RGS9: variants seen among roughly 807,000 people sequenced by gnomAD.
RGS9 encodes the protein regulator of G protein signaling 9.
Under a neutral mutation model 102.0 loss-of-function variants are expected in RGS9, and 78 were observed. That is an observed-to-expected ratio of 0.76 (90% CI 0.64 to 0.92). RGS9 has a LOEUF of 0.92. RGS9 is among the 40% of genes least tolerant of loss of function. The pLI is 0.00. For synonymous variants in RGS9, 353 were observed against 318.6 expected (o/e 1.11, Z -1.15); for missense variants, 833 against 866.1 (o/e 0.96, Z 0.48).
At chr17:65,140,411 T>C (rs1276325916) in intron 1 of RGS9, among the ~76,000 whole-genome samples, 2 of 152,164 alleles carry the variant, frequency 1.3e-5, no homozygotes, top group South Asian at 2.1e-4. Context: ...GGCCATGTTC[T>C]GTAATGGATG....
intron 3 of RGS9, among the ~76,000 whole-genome samples, chr17:65,159,903 C>T (rs1288873144): frequency 6.6e-6 from 1 of 152,202 alleles, no homozygotes; most frequent in Non-Finnish European, 1.5e-5. Context: ...ACCCAAAGGG[C>T]CTATAGAGGC....
intron 16 of RGS9, among the ~76,000 whole-genome samples, chr17:65,209,247 A>G (rs1308307107): frequency 6.6e-6 from 1 of 152,200 alleles, no homozygotes; most frequent in Non-Finnish European, 1.5e-5. Flanking sequence ...GTATAAGACA[A>G]TGTATTCAAA....
chr17:65,204,404 T>G, intron 15 of RGS9, 103 bp downstream of exon 15: 2 of 1,399,790 alleles, frequency 1.4e-6, no homozygotes, highest in South Asian at 2.5e-5. Flanking sequence ...GATACGTGGA[T>G]AGAGCTTTGC....
chr17:65,215,693 TG>T (rs1913501877), intron 17 of RGS9, among the ~76,000 whole-genome samples: 1 of 119,700 alleles, frequency 8.4e-6, no homozygotes, highest in Non-Finnish European at 1.7e-5. Flanking sequence ...CCCCAGTAGC[TG>T]GGATTACAGG....
In RGS9 at chr17:65,203,385, C is replaced by G. The variant is rs199500541; in HGVS notation, c.1065-778C>G. 4.5e-4 allele frequency among the ~76,000 whole-genome samples: 68 copies of G among 152,264 alleles called. No individual in the cohort carries two copies. In the East Asian group the frequency reaches 0.012, roughly 26 times the overall value. On this transcript the variant is annotated intron_variant, in intron 14 of 18. Coordinates refer to ENST00000262406, the MANE Select transcript of RGS9 (RefSeq NM_003835.4). Reference sequence around the variant, plus strand: ...CTTACACACAGTGACGCACACACAACTCCTGATTCCAAAAATCTGCTACAG... The same window carrying G: ...CTTACACACAGTGACGCACACACAAGTCCTGATTCCAAAAATCTGCTACAG...
intron 13 of RGS9, among the ~76,000 whole-genome samples, chr17:65,198,956 A>C (rs1306977365): frequency 6.6e-6 from 1 of 152,206 alleles, no homozygotes; most frequent in African/African-American, 2.4e-5. Context: ...CTAGTGGCAA[A>C]GTGACAACAT....
Position 65,160,601 on chromosome 17 carries a change from C to A in RGS9, c.364+14C>A, listed in dbSNP as rs1267601432. 6.2e-7 allele frequency: 1 copy of A among 1,613,690 alleles called. No homozygotes were observed. Among genetic ancestry groups the A allele is most frequent in the Non-Finnish European group, 8.5e-7 (1 of 1,179,588 alleles). On this transcript the variant is annotated intron_variant, in intron 5 of 18. Transcript: ENST00000262406. Reference sequence around the variant, plus strand: ...ATACCGATTACGGTAAATACTTCAGCCCCAACTATGCCTTTGGTAGTGCTT... The same window carrying A: ...ATACCGATTACGGTAAATACTTCAGACCCAACTATGCCTTTGGTAGTGCTT...
At chr17:65,153,021 G>A (rs1910638352) in intron 1 of RGS9, among the ~76,000 whole-genome samples, 1 of 152,208 alleles carries the variant, frequency 6.6e-6, no homozygotes, top group African/African-American at 2.4e-5. Context: ...CATGTGGTCT[G>A]GCCTCCACTG....
At chr17:65,176,070 C>T (rs1911612560) in intron 8 of RGS9, among the ~76,000 whole-genome samples, 1 of 152,202 alleles carries the variant, frequency 6.6e-6, no homozygotes, top group African/African-American at 2.4e-5. Context: ...CTTCCCAACT[C>T]TCTGCTTCAG....
In RGS9 at chr17:65,163,483, C is replaced by T. The variant is rs930612067; in HGVS notation, c.500+394C>T. 2.6e-5 allele frequency among the ~76,000 whole-genome samples: 4 copies of T among 152,112 alleles called. No homozygotes were observed. The East Asian group carries it at 7.7e-4, about 29-fold the overall frequency. Reference sequence around the variant, plus strand: ...CTGGGATTACAGGCGTGAACCACTGCGCCTGGACTCTTTCCTTTTATTAAA... The same window carrying T: ...CTGGGATTACAGGCGTGAACCACTGTGCCTGGACTCTTTCCTTTTATTAAA... On this transcript the variant is annotated intron_variant, in intron 7 of 18. Transcript: ENST00000262406.
chr17:65,193,420 C>G (rs933175540), intron 11 of RGS9, 123 bp from the exon 12 acceptor site: 2 of 719,678 alleles, frequency 2.8e-6, no homozygotes, highest in Non-Finnish European at 5.1e-6. Flanking sequence ...TCTAGGAAAA[C>G]AGTAATAAGT....
chr17:65,177,112 TCC>T (rs1911666113), intron 8 of RGS9, among the ~76,000 whole-genome samples: 1 of 148,074 alleles, frequency 6.8e-6, no homozygotes, highest in East Asian at 2.1e-4. Context: ...CCTCCATTCA[TCC>T]ATCTCACTAT....
chr17:65,218,684 C>T (rs575142210), intron 17 of RGS9, among the ~76,000 whole-genome samples: 22 of 152,338 alleles, frequency 1.4e-4, no homozygotes, highest in South Asian at 1.2e-3. Flanking sequence ...CCTCTTCTCT[C>T]ACTCTCTCTT....
intron 7 of RGS9, among the ~76,000 whole-genome samples, chr17:65,165,760 C>G (rs1911155713): frequency 6.6e-6 from 1 of 152,192 alleles, no homozygotes; most frequent in South Asian, 2.1e-4. Context: ...CAGATAAGAT[C>G]ACCTCAATCC....
intron 17 of RGS9, among the ~76,000 whole-genome samples, chr17:65,212,432 A>T (rs989505787): frequency 6.6e-6 from 1 of 152,216 alleles, no homozygotes; most frequent in East Asian, 1.9e-4. Context: ...ACAGAGAAGC[A>T]GGGAATGAGA....
chr17:65,208,604 CTT>C (rs1913162952), intron 16 of RGS9, among the ~76,000 whole-genome samples: 1 of 152,150 alleles, frequency 6.6e-6, no homozygotes, highest in Non-Finnish European at 1.5e-5. Flanking sequence ...AGATTGAACT[CTT>C]TTCCGGGGGA....
chr17:65,171,287 A>C (rs994947575), intron 8 of RGS9, among the ~76,000 whole-genome samples: 3 of 152,208 alleles, frequency 2.0e-5, no homozygotes, highest in Non-Finnish European at 4.4e-5. Flanking sequence ...TACTCCTCTG[A>C]ACCTGTGTTA....
In RGS9 at chr17:65,224,912, G is replaced by A. The variant is rs1010040918; in HGVS notation, c.1408-90G>A. 2.6e-6 allele frequency: 4 copies of A among 1,557,880 alleles called. No individual in the cohort carries two copies. In the Admixed American group the frequency reaches 5.0e-5, roughly 20 times the overall value. On this transcript the variant is annotated intron_variant, in intron 17 of 18. Transcript: ENST00000262406. ...CAGGCCCGCACTCTTGTCGCTGGAA[G>A]GGGACTAAGTTAGCAGAGGACAGCC...
Position 65,202,000 on chromosome 17 carries a change from T to C in RGS9, c.984T>C (p.Asn328=). ...GGACTTCTCACCATGCAGGAGAGAA[T>C]CTGGGATTCTGGGAAGCCTGCGAGG... ...YFLKKEFSGE[N]LGFWEACEDL... The change falls in exon 14 of 19, where the codon AAT becomes AAC. Residue 328 remains asparagine (N), a synonymous_variant. Coordinates refer to ENST00000262406, the MANE Select transcript of RGS9 (RefSeq NM_003835.4). 1 of 1,612,268 alleles carries C rather than the reference T, an allele frequency of 6.2e-7. No homozygotes were observed. Among genetic ancestry groups the C allele is most frequent in the Non-Finnish European group, 8.5e-7 (1 of 1,178,470 alleles).
Sources: gnomAD v4.1 joint callset for allele counts (sites outside exome capture counted in the v4.1 genomes callset) on GRCh38, gnomAD v4.1.1 for gene constraint, MANE v1.5 for transcripts, NCBI Gene and HGNC (gene_info 2026-07-23, HGNC 2026-07-21) for gene names.